The following ARL14EPL variants were observed in gnomAD, a reference collection of about 807,000 sequenced individuals.
ARL14EPL encodes the protein ARF like GTPase 14 effector protein like.
A neutral mutation model predicts 15.9 loss-of-function variants in ARL14EPL; 17 were observed. That is an observed-to-expected ratio of 1.07 (90% CI 0.73 to 1.60). ARL14EPL has a LOEUF of 1.60. ARL14EPL is among the 40% of genes most tolerant of loss of function. The pLI, the probability that ARL14EPL is intolerant of heterozygous loss-of-function variation, is 0.00. For missense variants in ARL14EPL, 214 were observed against 185.9 expected (o/e 1.15, Z -0.88); for synonymous variants, 78 against 63.8 (o/e 1.22, Z -1.06).
intron 1 of ARL14EPL, among the ~76,000 whole-genome samples, chr5:116,043,423 T>C (rs1749201810): frequency 6.6e-6 from 1 of 152,078 alleles, no homozygotes; most frequent in South Asian, 2.1e-4. Flanking sequence ...AAAAATATAA[T>C]TTTATAGCAA....
intron 1 of ARL14EPL, among the ~76,000 whole-genome samples, chr5:116,040,016 A>T (rs1222032605): frequency 1.3e-5 from 2 of 152,164 alleles, no homozygotes; most frequent in East Asian, 3.9e-4. Context: ...TGACTACTTC[A>T]TATCACATTA....
intron 1 of ARL14EPL, among the ~76,000 whole-genome samples, chr5:116,043,511 G>A (rs1286545465): frequency 6.6e-6 from 1 of 151,976 alleles, no homozygotes; most frequent in Non-Finnish European, 1.5e-5. Flanking sequence ...ATACTCTTCA[G>A]TCTTTTAAAA....
chr5:116,054,142 T>C lies in ARL14EPL; in HGVS notation c.225T>C (p.Ser75=), dbSNP rs988007779. ...TGTCAAAGATGAATGAATATTTTTC[T>C]ACCAAATACAAGTAAGATTCTGACT... ...ARMSKMNEYF[S]TKYKIMRKYD... is the part of the protein sequence containing the mutation. The change falls in exon 3 of 4, where the codon TCT becomes TCC. Residue 75 remains serine, a synonymous_variant. Coordinates refer to ENST00000686077, the MANE Select transcript of ARL14EPL (RefSeq NM_001195581.2). The C allele has an allele frequency of 1.3e-6, 2 of 1,535,118 alleles. No individual in the cohort carries two copies. The highest frequency in any genetic ancestry group is 1.4e-5 in the African/African-American group (1 of 73,032).
chr5:116,040,153 G>A (rs2112668244), intron 1 of ARL14EPL, among the ~76,000 whole-genome samples: 1 of 152,084 alleles, frequency 6.6e-6, no homozygotes, highest in South Asian at 2.1e-4. Context: ...TCTTTCCTTA[G>A]AATAAATTTC....
Position 116,059,198 on chromosome 5 carries a change from A to G in ARL14EPL, c.*251A>G. 1 of 469,988 alleles carries G rather than the reference A, an allele frequency of 2.1e-6. No homozygotes were observed. Among genetic ancestry groups the G allele is most frequent in the Non-Finnish European group, 3.9e-6 (1 of 259,020 alleles). 29.1% of individuals were successfully genotyped at this position (469,988 alleles called of 1,614,324 possible). A position where few individuals can be genotyped will look rare whatever the true frequency, so the allele number is the denominator to read the frequency against. ...GGAGGGATCAGCATTTCTCATCAGC[A>G]CCCTCATCTCTACTCTGCCTTCAAA... On this transcript the variant is annotated 3_prime_UTR_variant, in exon 4 of 4. Coordinates refer to ENST00000686077, the MANE Select transcript of ARL14EPL (RefSeq NM_001195581.2).
intron 1 of ARL14EPL, among the ~76,000 whole-genome samples, chr5:116,037,411 G>C (rs1012205): frequency 0.049 from 7,490 of 152,126 alleles, 525 homozygotes; most frequent in African/African-American, 0.16. Flanking sequence ...ATATCACAGA[G>C]GCCCCTTCCT....
intron 1 of ARL14EPL, among the ~76,000 whole-genome samples, chr5:116,041,103 A>G (rs1749148767): frequency 6.6e-6 from 1 of 151,798 alleles, no homozygotes; most frequent in Non-Finnish European, 1.5e-5. Context: ...TTCTCTTGTT[A>G]TCCCCCAACA....
At chr5:116,044,287 G>A (rs1396491) in intron 1 of ARL14EPL, among the ~76,000 whole-genome samples, 3,319 of 152,220 alleles carry the variant, frequency 0.022, 112 homozygotes, top group African/African-American at 0.075. Flanking sequence ...TAACCTGCCA[G>A]TGAAGTGGGT....
At chr5:116,050,007 A>T (rs1202931112) in intron 1 of ARL14EPL, among the ~76,000 whole-genome samples, 1 of 152,250 alleles carries the variant, frequency 6.6e-6, no homozygotes, top group Non-Finnish European at 1.5e-5. Context: ...TTTATTTTGT[A>T]TACATATGTA....
chr5:116,049,125 A>G (rs959349753), intron 1 of ARL14EPL, among the ~76,000 whole-genome samples: 3 of 152,250 alleles, frequency 2.0e-5, no homozygotes, highest in Non-Finnish European at 4.4e-5. Flanking sequence ...AACCATCTTC[A>G]GTCAGGGACC....
intron 1 of ARL14EPL, among the ~76,000 whole-genome samples, chr5:116,041,476 GCTGC>G (rs1561577083): frequency 2.6e-5 from 4 of 152,058 alleles, no homozygotes; most frequent in African/African-American, 9.7e-5. Flanking sequence ...CCAAAATGGA[GCTGC>G]TGGAGGTCCT....
At chr5:116,045,093 G>A (rs1749240057) in intron 1 of ARL14EPL, among the ~76,000 whole-genome samples, 1 of 152,136 alleles carries the variant, frequency 6.6e-6, no homozygotes, top group South Asian at 2.1e-4. Flanking sequence ...GCCCTCTGAG[G>A]CTAGTAGAGA....
At chr5:116,040,509 G>A (rs533642530) in intron 1 of ARL14EPL, among the ~76,000 whole-genome samples, 1 of 151,784 alleles carries the variant, frequency 6.6e-6, no homozygotes, top group South Asian at 2.1e-4. Flanking sequence ...AACAAAATGT[G>A]TCCTAGGACT....
At chr5:116,040,232 A>T (rs909236424) in intron 1 of ARL14EPL, among the ~76,000 whole-genome samples, 1 of 152,090 alleles carries the variant, frequency 6.6e-6, no homozygotes, top group Admixed American at 6.5e-5. Flanking sequence ...AAATGGCTAT[A>T]TATAATTTCT....
At chr5:116,034,542 T>G (rs1749013954) in intron 1 of ARL14EPL, among the ~76,000 whole-genome samples, 1 of 152,154 alleles carries the variant, frequency 6.6e-6, no homozygotes, top group Non-Finnish European at 1.5e-5. Context: ...CATACCCCCA[T>G]TTTTAGAGAA....
intron 2 of ARL14EPL, among the ~76,000 whole-genome samples, chr5:116,052,684 C>CAA (rs33982433): frequency 0.72 from 108,755 of 152,036 alleles, 39,457 homozygotes; most frequent in Non-Finnish European, 0.79. Context: ...GTTTATGAAA[C>CAA]AACCATATAC....
At chr5:116,038,557 A>G (rs1030019917) in intron 1 of ARL14EPL, among the ~76,000 whole-genome samples, 2 of 152,158 alleles carry the variant, frequency 1.3e-5, no homozygotes, top group East Asian at 1.9e-4. Context: ...GAGGACCACA[A>G]AGGACCACAA....
At chr5:116,050,780 ATCTCTCTCTC>A (rs141191776) in intron 1 of ARL14EPL, among the ~76,000 whole-genome samples, 25 of 128,866 alleles carry the variant, frequency 1.9e-4, no homozygotes, top group Middle Eastern at 3.8e-3. Flanking sequence ...TATGGGCTCC[ATCTCTCTCTC>A]TCTCTCTCTC....
intron 1 of ARL14EPL, among the ~76,000 whole-genome samples, chr5:116,045,774 GTGTGTGTA>G (rs750505510): frequency 0.032 from 3,650 of 115,770 alleles, 51 homozygotes; most frequent in African/African-American, 0.048. Context: ...GTGTGTGTGT[GTGTGTGTA>G]TGTGTACGAA....
Sources: allele counts gnomAD v4.1 joint callset (sites outside exome capture counted in the v4.1 genomes callset), GRCh38; gene constraint gnomAD v4.1.1; transcripts MANE v1.5; gene names NCBI Gene and HGNC (gene_info 2026-07-23, HGNC 2026-07-21).